Variants in MGAM2 observed in about 807,000 individuals in gnomAD.
MGAM2 encodes probable maltase-glucoamylase 2.
MGAM2 carries 98 observed loss-of-function variants against 96.1 expected under a neutral mutation model. That is an observed-to-expected ratio of 1.02 (90% CI 0.87 to 1.21). The LOEUF (loss-of-function observed/expected upper bound fraction) is 1.21, where lower values mean the gene tolerates loss of function less well. MGAM2 is among the 50% of genes most tolerant of loss of function. The probability of loss-of-function intolerance (pLI) is 0.00; values close to 1 mark genes in which losing one functional copy is unlikely to be tolerated. For synonymous variants in MGAM2, 749 were observed against 414.8 expected (o/e 1.81, Z -9.79); for missense variants, 2,055 against 1,182.4 (o/e 1.74, Z -10.82).
chr7:142,175,695 A>T lies in MGAM2; in HGVS notation c.3731A>T (p.Asp1244Val), dbSNP rs1186046717. Residue 1244 changes from aspartate (D) to valine (V), a missense_variant, in exon 32 of 48, where the codon GAT becomes GTT. Physicochemically the swap from Asp to Val is radical, Grantham distance 152. Transcript: ENST00000477922. The part of the protein sequence containing the change: ...VDIDYMNRKL[D>V]FTLSANFQNL... ...ATCGATTACATGAACCGGAAGCTGG[A>T]TTTCACCCTCAGTGCCAACTTTCAA... 5.7e-6 allele frequency: 4 copies of T among 702,712 alleles called. No individual in the cohort carries two copies. Among genetic ancestry groups the T allele is most frequent in the African/African-American group, 3.5e-5 (2 of 57,208 alleles). 43.5% of individuals were successfully genotyped at this position (702,712 alleles called of 1,614,324 possible). A position where few individuals can be genotyped will look rare whatever the true frequency, so the allele number is the denominator to read the frequency against.
chr7:142,123,197 A>T, intron 3 of MGAM2, among the ~76,000 whole-genome samples: 1 of 146,858 alleles, frequency 6.8e-6, no homozygotes. Flanking sequence ...TATCCACCCT[A>T]CTCTTGATAG....
intron 25 of MGAM2, among the ~76,000 whole-genome samples, 184 bp from the exon 26 acceptor site, chr7:142,167,084 C>G (rs1796048682): frequency 6.6e-6 from 1 of 152,190 alleles, no homozygotes; most frequent in Non-Finnish European, 1.5e-5. Context: ...AGAAACCCTA[C>G]TTCCAAATAG....
chr7:142,168,779 A>G (rs1343522675), intron 26 of MGAM2, among the ~76,000 whole-genome samples: 1 of 152,212 alleles, frequency 6.6e-6, no homozygotes, highest in African/African-American at 2.4e-5. Flanking sequence ...ATGCGCTAAA[A>G]TATTATCATT....
chr7:142,191,471 G>T (rs1442561960), intron 37 of MGAM2, among the ~76,000 whole-genome samples: 1 of 152,056 alleles, frequency 6.6e-6, no homozygotes, highest in Non-Finnish European at 1.5e-5. Context: ...TTTGTGTATG[G>T]TGTGAGGTAG....
At chr7:142,206,711 T>G (rs1421066004) in intron 45 of MGAM2, among the ~76,000 whole-genome samples, 1 of 152,242 alleles carries the variant, frequency 6.6e-6, no homozygotes, top group African/African-American at 2.4e-5. Context: ...ACTTTCAAAC[T>G]TGTAAATTTT....
At chr7:142,172,259 G>A in intron 29 of MGAM2, 65 bp downstream of exon 29, 1 of 643,042 alleles carries the variant, frequency 1.6e-6, no homozygotes, top group Non-Finnish European at 2.8e-6. Context: ...TTTTGACCTG[G>A]TATCAATAGA....
chr7:142,130,057 C>A (rs907966971), intron 3 of MGAM2, among the ~76,000 whole-genome samples: 7 of 151,522 alleles, frequency 4.6e-5, no homozygotes, highest in Non-Finnish European at 1.0e-4. Context: ...TTTATCATAA[C>A]AAAATAATTT....
chr7:142,135,851 T>G (rs771127837), intron 7 of MGAM2, among the ~76,000 whole-genome samples: 1 of 152,044 alleles, frequency 6.6e-6, no homozygotes, highest in Non-Finnish European at 1.5e-5. Context: ...TTTTAACCAC[T>G]TAAGTATTAT....
chr7:142,135,429 T>C (rs1456028602), intron 7 of MGAM2, among the ~76,000 whole-genome samples: 1 of 152,192 alleles, frequency 6.6e-6, no homozygotes, highest in Non-Finnish European at 1.5e-5. Flanking sequence ...TTTCTTGCCT[T>C]TCTCCCCTGT....
At chr7:142,165,457 C>T (rs1796003818) in intron 24 of MGAM2, among the ~76,000 whole-genome samples, 1 of 152,138 alleles carries the variant, frequency 6.6e-6, no homozygotes, top group Admixed American at 6.6e-5. Flanking sequence ...AAGGAGAAAT[C>T]CAGTTTTGCT....
intron 28 of MGAM2, among the ~76,000 whole-genome samples, chr7:142,171,700 T>TAAAAA (rs1796199762): frequency 7.2e-6 from 1 of 138,128 alleles, no homozygotes; most frequent in East Asian, 2.1e-4. Context: ...CCTCTGTCAG[T>TAAAAA]TATGGATTTT....
intron 6 of MGAM2, among the ~76,000 whole-genome samples, chr7:142,133,255 T>G (rs62479414): frequency 0.33 from 46,688 of 143,026 alleles, 7,827 homozygotes; most frequent in South Asian, 0.4. Context: ...ATAAAATATT[T>G]ATATAAAATT....
chr7:142,148,507 A>T lies in MGAM2; in HGVS notation c.1634+934A>T, dbSNP rs1413168274. Among the ~76,000 whole-genome samples the T allele has an allele frequency of 1.3e-5, 2 of 152,244 alleles. No individual in the cohort carries two copies. The highest frequency in any genetic ancestry group is 6.5e-5 in the Admixed American group (1 of 15,288). On this transcript the variant is annotated intron_variant, in intron 15 of 47. Transcript: ENST00000477922. This position sits in a 1 kb window ranked among gnomAD's most constrained non-coding sequence, Gnocchi z 4.2. ...TACCAAGGAGACAAATGTGTTCTGC[A>T]AATCATAACATCCTTTATATCTTGT...
intron 38 of MGAM2, 59 bp from the exon 39 acceptor site, chr7:142,196,506 C>G (rs569257355): frequency 3.6e-4 from 256 of 704,760 alleles, no homozygotes; most frequent in East Asian, 9.6e-4. Flanking sequence ...TCAGGCCAAG[C>G]CTTCACTCTC....
intron 17 of MGAM2, among the ~76,000 whole-genome samples, chr7:142,156,456 A>C (rs972275438): frequency 6.6e-6 from 1 of 152,236 alleles, no homozygotes; most frequent in Non-Finnish European, 1.5e-5. Context: ...TAATGGAAAA[A>C]AAATTTACGT....
intron 9 of MGAM2, 77 bp from the exon 10 acceptor site, chr7:142,138,465 C>T (rs1209912289): frequency 3.1e-6 from 2 of 649,470 alleles, no homozygotes; most frequent in Non-Finnish European, 5.6e-6. Flanking sequence ...CTGACGTTTT[C>T]AGCTCTGGGA....
Position 142,185,152 on chromosome 7 carries a change from A to G in MGAM2, c.3987+13A>G. The G allele has an allele frequency of 1.4e-6, 1 of 702,290 alleles. No individual in the cohort carries two copies. Among genetic ancestry groups the G allele is most frequent in the Non-Finnish European group, 2.6e-6 (1 of 384,688 alleles). The allele number at this position is 702,290 out of a possible 1,614,324, so 43.5% of individuals were successfully genotyped here. ...AACTCAGGTTAAGGTACAGTTGTATATAGATTTTTGTCAACATTGCCCTAA... is the reference window on the plus strand; with the variant it reads ...AACTCAGGTTAAGGTACAGTTGTATGTAGATTTTTGTCAACATTGCCCTAA... On this transcript the variant is annotated intron_variant, in intron 34 of 47. Transcript: ENST00000477922.
chr7:142,151,523 G>A lies in MGAM2; in HGVS notation c.1635-2495G>A, dbSNP rs539535200. Among the ~76,000 whole-genome samples the A allele has an allele frequency of 5.3e-5, 8 of 152,170 alleles. No individual in the cohort carries two copies. The South Asian group carries it at 6.2e-4, about 12-fold the overall frequency. ...TTTCCTCATCTCTGAAATGAGACTCGGATTGGTATTCCCATAATCTCCTGT... is the reference window on the plus strand; with the variant it reads ...TTTCCTCATCTCTGAAATGAGACTCAGATTGGTATTCCCATAATCTCCTGT... On this transcript the variant is annotated intron_variant, in intron 15 of 47. Coordinates refer to ENST00000477922, the MANE Select transcript of MGAM2 (RefSeq NM_001293626.2).
chr7:142,159,471 T>C, intron 20 of MGAM2, 128 bp downstream of exon 20: 1 of 612,344 alleles, frequency 1.6e-6, no homozygotes, highest in Non-Finnish European at 3.0e-6. Flanking sequence ...GTGGTCCTTT[T>C]TCTGTGAGAA....
Sources: allele counts gnomAD v4.1 joint callset (sites outside exome capture counted in the v4.1 genomes callset), GRCh38; gene constraint gnomAD v4.1.1; non-coding constraint Gnocchi (gnomAD v3.1); transcripts MANE v1.5; gene names NCBI Gene and HGNC (gene_info 2026-07-23, HGNC 2026-07-21).